Variants in SIK2 observed in about 807,000 individuals in gnomAD.
SIK2 encodes serine/threonine-protein kinase SIK2.
Under a neutral mutation model 103.2 loss-of-function variants are expected in SIK2, and 29 were observed. That is an observed-to-expected ratio of 0.28 (90% CI 0.21 to 0.38). The LOEUF is 0.38. Ranked by LOEUF, SIK2 falls within the 10% of genes least tolerant of loss-of-function variation. SIK2 has a pLI of 1.00. For synonymous variants in SIK2, 412 were observed against 446.1 expected, an observed-to-expected ratio of 0.92 and a Z score of 0.96; for missense variants, 879 against 1,171.0, an observed-to-expected ratio of 0.75 and a Z score of 3.64.
Position 111,727,017 on chromosome 11 carries a change from AGT to A in SIK2, c.*2893_*2894del. 1 of 1,614,094 alleles carries A rather than the reference AGT, an allele frequency of 6.2e-7. No individual in the cohort carries two copies. Among genetic ancestry groups the A allele is most frequent in the Non-Finnish European group, 8.5e-7 (1 of 1,179,996 alleles). On this transcript the variant is annotated 3_prime_UTR_variant, in exon 15 of 15. Transcript: ENST00000304987. Reference sequence around the variant, plus strand: ...TAGCTCTGCAATTCCCAGCTGGGCAAGTGTGTCTCTAGTATCTCCACGCAACT... The same window carrying A: ...TAGCTCTGCAATTCCCAGCTGGGCAAGTGTCTCTAGTATCTCCACGCAACT...
At chr11:111,631,096 T>G (rs1373522448) in intron 3 of SIK2, among the ~76,000 whole-genome samples, 1 of 152,162 alleles carries the variant, frequency 6.6e-6, no homozygotes, top group Non-Finnish European at 1.5e-5. Flanking sequence ...GAGGAATTCC[T>G]CCTTCTCTGA....
At chr11:111,619,177 G>T (rs899842128) in intron 2 of SIK2, among the ~76,000 whole-genome samples, 1 of 152,044 alleles carries the variant, frequency 6.6e-6, no homozygotes, top group Non-Finnish European at 1.5e-5. Flanking sequence ...TAAATAATTG[G>T]TTACAGTTGA....
chr11:111,729,142 A>AT lies in SIK2; in HGVS notation c.*5018dup, dbSNP rs1264377150. ...TAGCCTCTCACATTCTTATTTTACC[A>AT]TTTTTGTCCTAATTAAGGTAGCCTA... On this transcript the variant is annotated 3_prime_UTR_variant, in exon 15 of 15. Coordinates refer to ENST00000304987, the MANE Select transcript of SIK2 (RefSeq NM_015191.3). 2 of 152,080 alleles carry AT rather than the reference A, an allele frequency of 1.3e-5. No individual in the cohort carries two copies. Among genetic ancestry groups the AT allele is most frequent in the Admixed American group, 1.3e-4 (2 of 15,248 alleles). The allele number at this position is 152,080 out of a possible 1,614,324, so 9.4% of individuals were successfully genotyped here. A position where few individuals can be genotyped will look rare whatever the true frequency, so the allele number is the denominator to read the frequency against.
chr11:111,666,483 T>A (rs1448223440), intron 3 of SIK2, among the ~76,000 whole-genome samples: 2 of 152,212 alleles, frequency 1.3e-5, no homozygotes, highest in African/African-American at 4.8e-5. Flanking sequence ...AAGCTGAAGG[T>A]AAGTTTAGGC....
At chr11:111,709,973 G>A (rs556774387) in intron 8 of SIK2, among the ~76,000 whole-genome samples, 2 of 152,312 alleles carry the variant, frequency 1.3e-5, no homozygotes, top group East Asian at 3.9e-4. Flanking sequence ...GTTAGGGCAT[G>A]GGCATCTCAT....
chr11:111,662,890 A>T (rs993439064), intron 3 of SIK2, among the ~76,000 whole-genome samples: 1 of 151,464 alleles, frequency 6.6e-6, no homozygotes, highest in Non-Finnish European at 1.5e-5. Flanking sequence ...AATACAATAA[A>T]ACAAAATATT....
intron 8 of SIK2, among the ~76,000 whole-genome samples, chr11:111,709,567 G>A (rs530372345): frequency 2.0e-5 from 3 of 152,290 alleles, no homozygotes; most frequent in South Asian, 2.1e-4. Context: ...TAATCATTGC[G>A]TATTGACACT....
chr11:111,616,640 C>T (rs1941810232), intron 2 of SIK2, among the ~76,000 whole-genome samples: 1 of 152,008 alleles, frequency 6.6e-6, no homozygotes, highest in African/African-American at 2.4e-5. Context: ...TACTTGAGTC[C>T]AGCCTGGGCA....
In SIK2 at chr11:111,724,108, C is replaced by T. The variant is rs368428099; in HGVS notation, c.2760C>T (p.Asn920=). 6.0e-5 allele frequency: 97 copies of T among 1,611,278 alleles called. No individual in the cohort carries two copies. The highest frequency in any genetic ancestry group is 7.4e-5 in the Non-Finnish European group (87 of 1,179,642). ...EMLDAVDPQH[N]GYVLVN ...TAGACGCTGTGGATCCACAACACAA[C>T]GGGTATGTCCTGGTGAATTAGTCTC... is the stretch of plus-strand genomic sequence containing the variant. Residue 920 remains asparagine, a synonymous_variant, in exon 15 of 15, where the codon AAC becomes AAT. Transcript: ENST00000304987.
chr11:111,701,684 G>T lies in SIK2; in HGVS notation c.727+109G>T, dbSNP rs1943216120. The T allele has an allele frequency of 7.2e-7, 1 of 1,384,466 alleles. No homozygotes were observed. Among genetic ancestry groups the T allele is most frequent in the East Asian group, 2.4e-5 (1 of 41,956 alleles). 85.8% of individuals were successfully genotyped at this position (1,384,466 alleles called of 1,614,324 possible). A position where few individuals can be genotyped will look rare whatever the true frequency, so the allele number is the denominator to read the frequency against. On this transcript the variant is annotated intron_variant, in intron 6 of 14. Transcript: ENST00000304987. This position sits in a 1 kb window ranked among gnomAD's most constrained non-coding sequence, Gnocchi z 4.2. ...TAAGAGTTTGGGTGCCAAATAAAGT[G>T]ACTGAGCTGTAGGTTAAAAGCTATA...
intron 14 of SIK2, 30 bp from the exon 15 acceptor site, chr11:111,723,466 A>G: frequency 6.4e-7 from 1 of 1,553,698 alleles, no homozygotes; most frequent in Non-Finnish European, 8.7e-7. Context: ...AGAAGATTTA[A>G]AATTCTTTCC....
chr11:111,605,037 A>G (rs1030280934), intron 1 of SIK2, among the ~76,000 whole-genome samples: 2 of 148,292 alleles, frequency 1.3e-5, no homozygotes, highest in Non-Finnish European at 3.0e-5. Context: ...ATCTCGGCTC[A>G]CTGCAACCTC....
At chr11:111,647,417 C>CT (rs1208573675) in intron 3 of SIK2, among the ~76,000 whole-genome samples, 1 of 151,872 alleles carries the variant, frequency 6.6e-6, no homozygotes, top group Non-Finnish European at 1.5e-5. Flanking sequence ...CAAAATACCC[C>CT]TTTTTTCCAG....
intron 3 of SIK2, among the ~76,000 whole-genome samples, chr11:111,636,178 A>G (rs1265141657): frequency 1.3e-5 from 2 of 152,224 alleles, no homozygotes; most frequent in Non-Finnish European, 2.9e-5. Context: ...GGGAAAAACC[A>G]TAGTCCACAT....
chr11:111,664,100 A>G (rs983518255), intron 3 of SIK2, among the ~76,000 whole-genome samples: 1 of 152,260 alleles, frequency 6.6e-6, no homozygotes, highest in African/African-American at 2.4e-5. Context: ...AGTAAGTGCA[A>G]AATTCCTAAG....
At chr11:111,659,094 A>C (rs547728102) in intron 3 of SIK2, among the ~76,000 whole-genome samples, 1 of 152,296 alleles carries the variant, frequency 6.6e-6, no homozygotes, top group South Asian at 2.1e-4. Context: ...AGTTTGTGTG[A>C]TACTGATTAC....
intron 3 of SIK2, among the ~76,000 whole-genome samples, chr11:111,665,525 A>AT (rs1247740667): frequency 6.6e-6 from 1 of 151,970 alleles, no homozygotes; most frequent in Non-Finnish European, 1.5e-5. Context: ...AGAAAAAAAA[A>AT]GGAAAAGAAA....
At chr11:111,616,435 ATATT>A in intron 2 of SIK2, 76 bp downstream of exon 2, 2 of 846,732 alleles carry the variant, frequency 2.4e-6, no homozygotes, top group Non-Finnish European at 3.8e-6. Flanking sequence ...TTTTCTTCTT[ATATT>A]TGTTTTTCTA....
chr11:111,699,566 G>T (rs1350276081), intron 4 of SIK2, among the ~76,000 whole-genome samples: 1 of 152,156 alleles, frequency 6.6e-6, no homozygotes, highest in Non-Finnish European at 1.5e-5. Flanking sequence ...CTGGTAATTA[G>T]CTGTAGTTCT....
Sources: gnomAD v4.1 joint callset for allele counts (sites outside exome capture counted in the v4.1 genomes callset) on GRCh38, gnomAD v4.1.1 for gene constraint, Gnocchi (gnomAD v3.1) non-coding constraint, MANE v1.5 for transcripts, NCBI Gene and HGNC (gene_info 2026-07-23, HGNC 2026-07-21) for gene names.